TSGA10: variants seen among roughly 807,000 people sequenced by gnomAD.
TSGA10 encodes the protein testis specific 10, also known as testis-specific gene 10 protein.
TSGA10 carries 43 observed loss-of-function variants against 96.6 expected under a neutral mutation model. That is an observed-to-expected ratio of 0.44 (90% CI 0.35 to 0.57). The LOEUF (loss-of-function observed/expected upper bound fraction) is 0.57. Ranked by LOEUF, TSGA10 falls within the 20% of genes least tolerant of loss-of-function variation. The pLI, the probability that TSGA10 is intolerant of heterozygous loss-of-function variation, is 0.01. For missense variants in TSGA10, 703 were observed against 834.4 expected (o/e 0.84, Z 1.94); for synonymous variants, 229 against 269.9 (o/e 0.85, Z 1.48).
intron 1 of TSGA10, among the ~76,000 whole-genome samples, chr2:99,148,111 C>G (rs2093650637): frequency 6.6e-6 from 1 of 152,148 alleles, no homozygotes; most frequent in African/African-American, 2.4e-5. Context: ...CTCAGCCTCT[C>G]TGTGTCTTTC....
intron 16 of TSGA10, among the ~76,000 whole-genome samples, chr2:99,046,905 C>A (rs2082835325): frequency 6.6e-6 from 1 of 151,876 alleles, no homozygotes; most frequent in Non-Finnish European, 1.5e-5. Flanking sequence ...CCACTGATCC[C>A]ATAGAGATAG....
At chr2:99,077,662 A>G (rs2086884467) in intron 12 of TSGA10, among the ~76,000 whole-genome samples, 1 of 152,038 alleles carries the variant, frequency 6.6e-6, no homozygotes, top group Non-Finnish European at 1.5e-5. Flanking sequence ...CCGGGGTTCA[A>G]GCGAGTCTCC....
chr2:99,135,704 A>G (rs1350572265), intron 1 of TSGA10, among the ~76,000 whole-genome samples: 1 of 152,136 alleles, frequency 6.6e-6, no homozygotes, highest in African/African-American at 2.4e-5. Context: ...TAAAACAGGG[A>G]TGATAATAAG....
chr2:99,088,256 C>G (rs2104658787), intron 10 of TSGA10, among the ~76,000 whole-genome samples: 1 of 152,264 alleles, frequency 6.6e-6, no homozygotes, highest in African/African-American at 2.4e-5. Context: ...CAACTGAAAA[C>G]AGAGAGACCA....
rs138171303 is a variant in TSGA10, at chr2:98,998,196, G to A, written c.*1C>T. 1.1e-5 allele frequency: 18 copies of A among 1,599,124 alleles called. No homozygotes were observed. In the African/African-American group the frequency reaches 2.3e-4, roughly 20 times the overall value. On this transcript the variant is annotated 3_prime_UTR_variant, in exon 21 of 21. Coordinates refer to ENST00000393483, the MANE Select transcript of TSGA10 (RefSeq NM_025244.4). Reference sequence around the variant, plus strand: ...AGGGATGTGAAGAATCATTTCAGGTGTCAGAAATCTCTGTAGCAAAGATTC... The same window carrying A: ...AGGGATGTGAAGAATCATTTCAGGTATCAGAAATCTCTGTAGCAAAGATTC...
At chr2:99,079,633 A>C (rs568056491) in intron 11 of TSGA10, among the ~76,000 whole-genome samples, 2 of 152,272 alleles carry the variant, frequency 1.3e-5, no homozygotes, top group South Asian at 4.1e-4. Flanking sequence ...TATTAGATTT[A>C]CCTACAGAAA....
intron 16 of TSGA10, among the ~76,000 whole-genome samples, chr2:99,048,353 T>A (rs753388615): frequency 2.0e-5 from 3 of 152,144 alleles, no homozygotes; most frequent in Non-Finnish European, 2.9e-5. Context: ...CAAAACAGCA[T>A]GGTACTGGTA....
At chr2:99,022,927 G>A (rs1462512872) in intron 17 of TSGA10, among the ~76,000 whole-genome samples, 1 of 152,104 alleles carries the variant, frequency 6.6e-6, no homozygotes, top group Non-Finnish European at 1.5e-5. Flanking sequence ...TATTAATGAT[G>A]TTCAGCATCT....
intron 16 of TSGA10, among the ~76,000 whole-genome samples, chr2:99,049,379 G>A (rs546686663): frequency 2.3e-4 from 35 of 152,204 alleles, no homozygotes; most frequent in African/African-American, 5.8e-4. Flanking sequence ...GCACATATAC[G>A]CTATGGAATA....
chr2:99,042,629 T>G (rs1238679506), intron 16 of TSGA10, among the ~76,000 whole-genome samples: 1 of 152,134 alleles, frequency 6.6e-6, no homozygotes, highest in African/African-American at 2.4e-5. Context: ...GTCTGTGCTA[T>G]ACTGACTACA....
intron 10 of TSGA10, among the ~76,000 whole-genome samples, chr2:99,090,555 A>G (rs577641736): frequency 6.6e-6 from 1 of 152,300 alleles, no homozygotes; most frequent in South Asian, 2.1e-4. Context: ...AGAAATCTTC[A>G]GTGAAATAGG....
chr2:99,089,088 A>G (rs748112677), intron 10 of TSGA10, among the ~76,000 whole-genome samples: 1 of 152,156 alleles, frequency 6.6e-6, no homozygotes, highest in Non-Finnish European at 1.5e-5. Context: ...CCAAAGTGGG[A>G]AAGTGGGAAA....
chr2:99,065,563 C>G (rs1330863087), intron 15 of TSGA10, among the ~76,000 whole-genome samples: 1 of 152,188 alleles, frequency 6.6e-6, no homozygotes. Flanking sequence ...TACAGAGCTT[C>G]TGAGTACTTG....
At chr2:99,144,114 G>A (rs1485173622) in intron 1 of TSGA10, among the ~76,000 whole-genome samples, 6 of 152,206 alleles carry the variant, frequency 3.9e-5, no homozygotes, top group South Asian at 2.1e-4. Context: ...TCTGCCTCGC[G>A]GCTTCACGCC....
rs973710468 is a variant in TSGA10 at position 99,143,264 on chromosome 2, C to T, written c.-621+11429G>A. Reference sequence around the variant, plus strand: ...TCATGCCATTCTCCTGCCTCAGCCTCCCAAGTAGCTAGGACTACAGGCGCC... The same window carrying T: ...TCATGCCATTCTCCTGCCTCAGCCTTCCAAGTAGCTAGGACTACAGGCGCC... On this transcript the variant is annotated intron_variant, in intron 1 of 20. Transcript: ENST00000393483. Among the ~76,000 whole-genome samples, 65 of 150,982 alleles carry T rather than the reference C, an allele frequency of 4.3e-4. 2 individuals are homozygous for T. Among genetic ancestry groups the T allele is most frequent in the Non-Finnish European group, 1.3e-4 (9 of 67,814 alleles).
chr2:99,084,365 T>A (rs1395265082), intron 10 of TSGA10, among the ~76,000 whole-genome samples: 1 of 152,126 alleles, frequency 6.6e-6, no homozygotes, highest in Non-Finnish European at 1.5e-5. Flanking sequence ...TTTAACACTA[T>A]CCCCTTGGTG....
At chr2:99,151,706 T>TC (rs999200067) in intron 1 of TSGA10, among the ~76,000 whole-genome samples, 1 of 152,166 alleles carries the variant, frequency 6.6e-6, no homozygotes, top group Non-Finnish European at 1.5e-5. Flanking sequence ...AACTGCTTTT[T>TC]CCCCCCACAT....
intron 10 of TSGA10, among the ~76,000 whole-genome samples, chr2:99,083,089 T>C (rs1313982129): frequency 6.6e-6 from 1 of 151,752 alleles, no homozygotes; most frequent in African/African-American, 2.4e-5. Context: ...AAAGACAGAA[T>C]AAGAAGGTCC....
chr2:99,136,972 G>A (rs919162150), intron 1 of TSGA10, among the ~76,000 whole-genome samples: 1 of 151,134 alleles, frequency 6.6e-6, no homozygotes, highest in Non-Finnish European at 1.5e-5. Flanking sequence ...CACAGCCATG[G>A]CTACTTTAAC....
Sources: allele counts gnomAD v4.1 joint callset (sites outside exome capture counted in the v4.1 genomes callset), GRCh38; gene constraint gnomAD v4.1.1; transcripts MANE v1.5; gene names NCBI Gene and HGNC (gene_info 2026-07-23, HGNC 2026-07-21).